MYO3A: variants seen among roughly 807,000 people sequenced by gnomAD.
MYO3A encodes myosin IIIA.
Under a neutral mutation model 192.7 loss-of-function variants are expected in MYO3A, and 180 were observed. That is an observed-to-expected ratio of 0.93 (90% CI 0.83 to 1.06). The LOEUF (loss-of-function observed/expected upper bound fraction) is 1.06. Among genes scored for constraint, MYO3A ranks in the 50% least tolerant of loss-of-function variants. The pLI, the probability that MYO3A is intolerant of heterozygous loss-of-function variation, is 0.00. For missense variants in MYO3A, 1,896 were observed against 1,905.0 expected (o/e 1.00, Z 0.09); for synonymous variants, 628 against 645.3 (o/e 0.97, Z 0.41).
intron 20 of MYO3A, among the ~76,000 whole-genome samples, chr10:26,128,776 C>T (rs1839371787): frequency 1.3e-5 from 2 of 152,166 alleles, no homozygotes; most frequent in Admixed American, 6.6e-5. Flanking sequence ...ACACTCTTCT[C>T]CAAAACTTAG....
At chr10:26,168,078 T>C (rs1281136125) in intron 27 of MYO3A, among the ~76,000 whole-genome samples, 2 of 152,206 alleles carry the variant, frequency 1.3e-5, no homozygotes, top group Non-Finnish European at 2.9e-5. Flanking sequence ...TAATCAAAAG[T>C]CAGCCCTCCC....
intron 25 of MYO3A, among the ~76,000 whole-genome samples, chr10:26,155,799 G>A (rs569076148): frequency 1.1e-4 from 16 of 152,264 alleles, no homozygotes; most frequent in Admixed American, 8.5e-4. Context: ...ATCACTGAAC[G>A]TATTTACAGC....
At chr10:25,978,800 A>C (rs1564423261) in intron 4 of MYO3A, among the ~76,000 whole-genome samples, 1 of 152,342 alleles carries the variant, frequency 6.6e-6, no homozygotes, top group Non-Finnish European at 1.5e-5. Flanking sequence ...AACAAATTTC[A>C]TGGGGAGAAT....
intron 34 of MYO3A, among the ~76,000 whole-genome samples, chr10:26,205,326 C>A (rs913634795): frequency 1.3e-5 from 2 of 152,124 alleles, no homozygotes; most frequent in Non-Finnish European, 2.9e-5. Context: ...ACTATAGTCA[C>A]CATGTTGTAC....
chr10:26,104,545 C>T (rs945322210), intron 17 of MYO3A, among the ~76,000 whole-genome samples: 3 of 152,014 alleles, frequency 2.0e-5, no homozygotes, highest in Non-Finnish European at 4.4e-5. Context: ...TATATTTATC[C>T]TTATACCAGT....
chr10:26,202,308 T>C (rs1843713870), intron 33 of MYO3A, among the ~76,000 whole-genome samples: 3 of 152,192 alleles, frequency 2.0e-5, no homozygotes, highest in South Asian at 4.1e-4. Flanking sequence ...CCTGGAAGCA[T>C]TGTAACACCT....
intron 34 of MYO3A, among the ~76,000 whole-genome samples, chr10:26,203,330 T>G (rs1190133591): frequency 1.3e-5 from 2 of 152,214 alleles, no homozygotes; most frequent in Non-Finnish European, 2.9e-5. Context: ...ATCTGTTTTC[T>G]TGGAGTAATT....
At chr10:26,097,329 C>T (rs1354744126) in intron 17 of MYO3A, among the ~76,000 whole-genome samples, 1 of 151,964 alleles carries the variant, frequency 6.6e-6, no homozygotes, top group African/African-American at 2.4e-5. Context: ...CAAGGTTCAT[C>T]CATTTTTGCA....
intron 6 of MYO3A, among the ~76,000 whole-genome samples, chr10:26,013,366 A>C (rs539540998): frequency 6.6e-6 from 1 of 152,134 alleles, no homozygotes; most frequent in Non-Finnish European, 1.5e-5. Context: ...CAATATTTGG[A>C]ATCTATGCAT....
intron 10 of MYO3A, among the ~76,000 whole-genome samples, chr10:26,048,376 A>C (rs1274318844): frequency 6.6e-6 from 1 of 152,030 alleles, no homozygotes; most frequent in Non-Finnish European, 1.5e-5. Context: ...TTAAGCGAAA[A>C]ATCTGAAGTC....
chr10:26,073,199 G>T (rs1359933460), intron 14 of MYO3A, among the ~76,000 whole-genome samples: 1 of 152,158 alleles, frequency 6.6e-6, no homozygotes, highest in African/African-American at 2.4e-5. Flanking sequence ...ACTCCAGCCT[G>T]GGTGACAGAA....
chr10:26,191,414 G>C (rs1018666450), intron 31 of MYO3A, among the ~76,000 whole-genome samples: 1 of 152,318 alleles, frequency 6.6e-6, no homozygotes, highest in East Asian at 1.9e-4. Flanking sequence ...AAGGGAGAGA[G>C]GGAATGGGAG....
At chr10:26,110,054 T>G (rs1311040995) in intron 17 of MYO3A, among the ~76,000 whole-genome samples, 2 of 152,184 alleles carry the variant, frequency 1.3e-5, no homozygotes. Context: ...CAAGCCAAGA[T>G]TGAATGCATC....
At chr10:25,965,784 C>T (rs187079262) in intron 4 of MYO3A, among the ~76,000 whole-genome samples, 11 of 152,114 alleles carry the variant, frequency 7.2e-5, no homozygotes, top group South Asian at 2.1e-4. Context: ...TGTGGGTGGG[C>T]GTCAGTTGAG....
chr10:26,180,499 T>TC (rs889732672), intron 31 of MYO3A, among the ~76,000 whole-genome samples: 4 of 152,108 alleles, frequency 2.6e-5, no homozygotes, highest in African/African-American at 4.8e-5. Flanking sequence ...TTGGGAAATT[T>TC]CCAGTTAATG....
At chr10:26,168,955 G>A in intron 28 of MYO3A, 81 bp downstream of exon 28, 1 of 1,387,038 alleles carries the variant, frequency 7.2e-7, no homozygotes, top group Non-Finnish European at 1.0e-6. Context: ...CAATTCTTGT[G>A]TAGCTTTTGT....
At chr10:26,098,189 G>A (rs187078277) in intron 17 of MYO3A, among the ~76,000 whole-genome samples, 4 of 152,228 alleles carry the variant, frequency 2.6e-5, no homozygotes, top group Non-Finnish European at 5.9e-5. Context: ...ATTTTTTCTT[G>A]TGACTGCTGG....
chr10:26,127,465 A>G (rs922823880), intron 19 of MYO3A, among the ~76,000 whole-genome samples: 1 of 152,172 alleles, frequency 6.6e-6, no homozygotes, highest in African/African-American at 2.4e-5. Context: ...TTTCAGAAAT[A>G]CTCAAATAGC....
Position 26,157,213 on chromosome 10 carries a change from T to C in MYO3A, c.2794-97T>C. The C allele has an allele frequency of 9.9e-6, 11 of 1,110,108 alleles. No individual in the cohort carries two copies. The Middle Eastern group carries it at 6.2e-4, about 63-fold the overall frequency. The allele number at this position is 1,110,108 out of a possible 1,614,324, so 68.8% of individuals were successfully genotyped here. On this transcript the variant is annotated intron_variant, in intron 25 of 34. Coordinates refer to ENST00000642920, the MANE Select transcript of MYO3A (RefSeq NM_017433.5). ...CTAATGGGAGCATTTATAACATTCATTTTTTGAATGTTATTCTTGTAGTAA... is the reference window on the plus strand; with the variant it reads ...CTAATGGGAGCATTTATAACATTCACTTTTTGAATGTTATTCTTGTAGTAA...
Sources: gnomAD v4.1 joint callset for allele counts (sites outside exome capture counted in the v4.1 genomes callset) on GRCh38, gnomAD v4.1.1 for gene constraint, MANE v1.5 for transcripts, NCBI Gene and HGNC (gene_info 2026-07-23, HGNC 2026-07-21) for gene names.